The following KCNT2 variants were observed in gnomAD, a reference collection of about 807,000 sequenced individuals.
KCNT2 encodes the protein potassium channel subfamily T member 2.
A neutral mutation model predicts 153.8 loss-of-function variants in KCNT2; 67 were observed. That is an observed-to-expected ratio of 0.44 (90% confidence interval 0.36 to 0.53). KCNT2 has a LOEUF of 0.53. Among genes scored for constraint, KCNT2 ranks in the 20% least tolerant of loss-of-function variants. The pLI is 0.00. For missense variants in KCNT2, 975 were observed against 1,354.8 expected (o/e 0.72, Z 4.40); for synonymous variants, 500 against 458.8 (o/e 1.09, Z -1.15).
At chr1:196,328,144 G>C (rs1204785324) in intron 18 of KCNT2, among the ~76,000 whole-genome samples, 3 of 152,082 alleles carry the variant, frequency 2.0e-5, no homozygotes, top group Admixed American at 1.3e-4. Flanking sequence ...CCTGAGAAAA[G>C]AACAAGAGGC....
intron 25 of KCNT2, among the ~76,000 whole-genome samples, chr1:196,275,379 C>T (rs1010858940): frequency 7.9e-6 from 1 of 126,932 alleles, no homozygotes; most frequent in Admixed American, 8.8e-5. Context: ...GATTTTCCAG[C>T]CACTGTGTGC....
intron 14 of KCNT2, among the ~76,000 whole-genome samples, chr1:196,367,842 T>G: frequency 6.6e-6 from 1 of 152,294 alleles, no homozygotes; most frequent in South Asian, 2.1e-4. Flanking sequence ...TAAAAGGCAA[T>G]GAGTGGGACT....
intron 1 of KCNT2, among the ~76,000 whole-genome samples, chr1:196,527,496 T>C (rs1224529468): frequency 3.9e-5 from 6 of 152,162 alleles, no homozygotes; most frequent in African/African-American, 1.2e-4. Flanking sequence ...ATGAATGATA[T>C]TAATAATCTA....
chr1:196,479,578 A>T (rs922731594), intron 4 of KCNT2, among the ~76,000 whole-genome samples: 4 of 152,118 alleles, frequency 2.6e-5, no homozygotes, highest in Admixed American at 6.5e-5. Context: ...GTTTCGTTTT[A>T]AAATTTTTTT....
At chr1:196,494,950 G>C (rs1401414988) in intron 1 of KCNT2, among the ~76,000 whole-genome samples, 1 of 150,796 alleles carries the variant, frequency 6.6e-6, no homozygotes, top group Non-Finnish European at 1.5e-5. Flanking sequence ...CCAAAGGCTG[G>C]ACAACAGCAT....
chr1:196,607,563 C>A (rs1004245945), intron 1 of KCNT2, among the ~76,000 whole-genome samples: 2 of 152,086 alleles, frequency 1.3e-5, no homozygotes, highest in Non-Finnish European at 2.9e-5. Flanking sequence ...AAGGTTGTAT[C>A]ATGTTATACA....
rs114089155 is a variant in KCNT2, at chr1:196,466,878, T to C, written c.543+825A>G. Among the ~76,000 whole-genome samples the C allele has an allele frequency of 4.5e-3, 685 of 152,098 alleles. 7 individuals are homozygous for C. The highest frequency in any genetic ancestry group is 0.016 in the African/African-American group (653 of 41,514). ...ATGTTTGGGGTTTGGGTCATAGTTA[T>C]AAACCATGCCACCAAGCAGGGTCAG... On this transcript the variant is annotated intron_variant, in intron 7 of 27. Transcript: ENST00000294725.
Position 196,396,581 on chromosome 1 carries a change from A to G in KCNT2, c.1294+1982T>C, listed in dbSNP as rs557561406. 2.9e-4 allele frequency among the ~76,000 whole-genome samples: 43 copies of G among 150,430 alleles called. No homozygotes were observed. In the South Asian group the frequency reaches 4.6e-3, roughly 16 times the overall value. ...TTTGAGAGCTTCATACAGCACTCCAAACTCTTTTTGTGGCATTTTAATGAA... is the reference window on the plus strand; with the variant it reads ...TTTGAGAGCTTCATACAGCACTCCAGACTCTTTTTGTGGCATTTTAATGAA... On this transcript the variant is annotated intron_variant, in intron 13 of 27. Coordinates refer to ENST00000294725, the MANE Select transcript of KCNT2 (RefSeq NM_198503.5).
chr1:196,438,844 C>T (rs1187551510), intron 8 of KCNT2, among the ~76,000 whole-genome samples: 1 of 151,172 alleles, frequency 6.6e-6, no homozygotes, highest in Non-Finnish European at 1.5e-5. Context: ...ACATTTAAGA[C>T]CTAAATTTTA....
intron 3 of KCNT2, among the ~76,000 whole-genome samples, chr1:196,489,173 G>A (rs893839609): frequency 4.6e-4 from 70 of 151,924 alleles, no homozygotes; most frequent in Non-Finnish European, 8.8e-5. Context: ...CAGCATAGCT[G>A]GAGTAGGGGG....
At chr1:196,534,256 G>A (rs2148855690) in intron 1 of KCNT2, among the ~76,000 whole-genome samples, 1 of 152,176 alleles carries the variant, frequency 6.6e-6, no homozygotes, top group Non-Finnish European at 1.5e-5. Flanking sequence ...TTTATGCTTT[G>A]AGAGAAAATC....
intron 1 of KCNT2, among the ~76,000 whole-genome samples, chr1:196,525,226 TA>T (rs377672266): frequency 1.3e-3 from 197 of 147,330 alleles, no homozygotes; most frequent in African/African-American, 3.7e-3. Context: ...GTAAAGCAAA[TA>T]AAAAAAAAAA....
intron 26 of KCNT2, among the ~76,000 whole-genome samples, chr1:196,255,713 T>G (rs1656425150): frequency 6.6e-6 from 1 of 151,856 alleles, no homozygotes; most frequent in Non-Finnish European, 1.5e-5. Context: ...CCAAACACAT[T>G]TTAGTGCCAA....
chr1:196,373,269 A>T, intron 13 of KCNT2, 21 bp from the exon 14 acceptor site: 1 of 1,006,106 alleles, frequency 9.9e-7, no homozygotes, highest in South Asian at 1.4e-5. Context: ...TAAAATAGGT[A>T]AATTAGAATA....
chr1:196,487,635 A>C (rs1679539987), intron 3 of KCNT2, among the ~76,000 whole-genome samples: 1 of 152,034 alleles, frequency 6.6e-6, no homozygotes, highest in Admixed American at 6.6e-5. Context: ...AAAGGTCTGC[A>C]TTAAAATACT....
At chr1:196,523,487 A>G (rs945734362) in intron 1 of KCNT2, among the ~76,000 whole-genome samples, 2 of 152,196 alleles carry the variant, frequency 1.3e-5, no homozygotes, top group Non-Finnish European at 2.9e-5. Context: ...GAGCCCATCT[A>G]TTCACCGCTA....
chr1:196,573,255 G>A (rs908961947), intron 1 of KCNT2, among the ~76,000 whole-genome samples: 3 of 152,042 alleles, frequency 2.0e-5, no homozygotes, highest in African/African-American at 4.8e-5. Flanking sequence ...TGAGAGACAC[G>A]TTTAAAATTC....
intron 12 of KCNT2, among the ~76,000 whole-genome samples, chr1:196,418,997 T>C (rs1406056548): frequency 6.6e-6 from 1 of 151,918 alleles, no homozygotes; most frequent in Non-Finnish European, 1.5e-5. Flanking sequence ...CTGTTTAGGG[T>C]CCATTCCATT....
chr1:196,487,135 G>A (rs1679486523), intron 3 of KCNT2, among the ~76,000 whole-genome samples: 1 of 151,852 alleles, frequency 6.6e-6, no homozygotes, highest in South Asian at 2.1e-4. Context: ...ACGGCATAGA[G>A]TCGAGTGCAA....
Sources: allele counts gnomAD v4.1 joint callset (sites outside exome capture counted in the v4.1 genomes callset), GRCh38; gene constraint gnomAD v4.1.1; transcripts MANE v1.5; gene names NCBI Gene and HGNC (gene_info 2026-07-23, HGNC 2026-07-21).